HLA-DQB2: variants seen among roughly 807,000 people sequenced by gnomAD.
HLA-DQB2 encodes HLA class II histocompatibility antigen, DQ beta 2 chain.
In HLA-DQB2, 24 loss-of-function variants were observed where a neutral mutation model predicts 29.2. That is an observed-to-expected ratio of 0.82 (90% CI 0.60 to 1.16). HLA-DQB2 has a LOEUF of 1.16. HLA-DQB2 is among the 50% of genes most tolerant of loss of function. HLA-DQB2 has a pLI of 0.00. For missense variants in HLA-DQB2, 273 were observed against 343.6 expected (o/e 0.79, Z 1.62); for synonymous variants, 104 against 133.1 (o/e 0.78, Z 1.51).
Position 32,761,841 on chromosome 6 carries a change from G to A in HLA-DQB2, c.183C>T (p.Asn61=), listed in dbSNP as rs768051532. 2 of 1,609,568 alleles carry A rather than the reference G, an allele frequency of 1.2e-6. No individual in the cohort carries two copies. The highest frequency in any genetic ancestry group is 1.7e-6 in the Non-Finnish European group (2 of 1,177,936). The change falls in exon 2 of 6, where the codon AAC becomes AAT. Residue 61 remains asparagine, a synonymous_variant. Transcript: ENST00000437316. ...RVRGVARYIY[N]REEYGRFDSD... ...TGTCGAAGCGCCCGTACTCCTCGCGGTTATAGATGTATCTGGCCACACCGC... is the reference window on the plus strand; with the variant it reads ...TGTCGAAGCGCCCGTACTCCTCGCGATTATAGATGTATCTGGCCACACCGC...
rs117026677 is a variant in HLA-DQB2 at position 32,760,250 on chromosome 6, T to C, written c.365-1119A>G. Among the ~76,000 whole-genome samples, 1,604 of 151,314 alleles carry C rather than the reference T, an allele frequency of 0.011. 52 individuals are homozygous for C. In the South Asian group the frequency reaches 0.12, roughly 11 times the overall value. On this transcript the variant is annotated intron_variant, in intron 2 of 5. Coordinates refer to ENST00000437316, the MANE Select transcript of HLA-DQB2 (RefSeq NM_001300790.2). ...AATTTTCAATGCCTTGAAAGTATCA[T>C]TTTGTCCCATTAACAGTGAAAACAG...
intron 1 of HLA-DQB2, among the ~76,000 whole-genome samples, chr6:32,762,424 C>T (rs1256921136): frequency 6.7e-6 from 1 of 148,226 alleles, no homozygotes; most frequent in Non-Finnish European, 1.5e-5. Flanking sequence ...GGCAAGAGAC[C>T]AAGTAAACCC....
rs1170588299 is a variant in HLA-DQB2, at chr6:32,761,762, A to T, written c.262T>A (p.Trp88Arg). ...TCCAAGAAGTCCTTATAGTTGTTCC[A>T]GTCCTCGATGCTCCGCCCCAGCTCG... is the stretch of plus-strand genomic sequence containing the variant. ...VTELGRSIED[W>R]NNYKDFLEQE... Residue 88 changes from tryptophan (W) to arginine (R), a missense_variant, in exon 2 of 6, where the codon TGG (tryptophan) becomes AGG (arginine). Coordinates refer to ENST00000437316, the MANE Select transcript of HLA-DQB2 (RefSeq NM_001300790.2). The T allele has an allele frequency of 1.3e-6, 2 of 1,568,706 alleles. No individual in the cohort carries two copies. Among genetic ancestry groups the T allele is most frequent in the Non-Finnish European group, 1.7e-6 (2 of 1,157,036 alleles).
chr6:32,762,064 T>A, intron 1 of HLA-DQB2, 138 bp from the exon 2 acceptor site: 3 of 1,192,934 alleles, frequency 2.5e-6, no homozygotes, highest in Non-Finnish European at 3.5e-6. Context: ...AGTTCTTGGC[T>A]GGGCCCGTGC....
At position 32,758,915 on chromosome 6, in the gene HLA-DQB2, C is replaced by A; in HGVS notation, c.581G>T (p.Arg194Leu). Residue 194 changes from arginine to leucine, a missense_variant, in exon 3 of 6, where the codon CGT becomes CTT. Physicochemically the swap from Arg to Leu is moderately radical, Grantham distance 102. Coordinates refer to ENST00000437316, the MANE Select transcript of HLA-DQB2 (RefSeq NM_001300790.2). ...ILVMLEITPQ[R>L]GDIYTCQVEH... ...CACTTGGCAGGTGTAGATGTCTCCA[C>A]GCTGGGGAGTTATTTCCAGCATCAC... is the stretch of plus-strand genomic sequence containing the variant. 1 of 1,538,780 alleles carries A rather than the reference C, an allele frequency of 6.5e-7. No homozygotes were observed. Among genetic ancestry groups the A allele is most frequent in the Non-Finnish European group, 8.9e-7 (1 of 1,123,054 alleles).
intron 2 of HLA-DQB2, among the ~76,000 whole-genome samples, chr6:32,761,000 A>T (rs1764737809): frequency 6.6e-6 from 1 of 152,292 alleles, no homozygotes; most frequent in Non-Finnish European, 1.5e-5. Context: ...TTGAGCTCAT[A>T]CCACATGCCG....
At chr6:32,761,609 G>T (rs1330942039) in intron 2 of HLA-DQB2, 51 bp downstream of exon 2, 5 of 1,505,702 alleles carry the variant, frequency 3.3e-6, no homozygotes, top group Admixed American at 2.0e-5. Context: ...GTGCGCAAGA[G>T]ACTCGGGCCC....
chr6:32,761,279 G>C (rs980931932), intron 2 of HLA-DQB2, among the ~76,000 whole-genome samples: 108 of 151,878 alleles, frequency 7.1e-4, no homozygotes, highest in African/African-American at 2.5e-3. Context: ...CTAGTGGGGC[G>C]GACGGGCAGG....
chr6:32,763,491 C>T lies in HLA-DQB2; in HGVS notation c.-21G>A. 2.0e-6 allele frequency: 3 copies of T among 1,513,626 alleles called. No individual in the cohort carries two copies. The highest frequency in any genetic ancestry group is 2.7e-6 in the Non-Finnish European group (3 of 1,112,594). 93.8% of individuals were successfully genotyped at this position (1,513,626 alleles called of 1,614,324 possible). On this transcript the variant is annotated 5_prime_UTR_variant, in exon 1 of 6. Transcript: ENST00000437316. ...GCCATCTTCCAAGACGTAAGTGAGA[C>T]CAAGGAAAAAGCAGTGGTAGTCAAC...
intron 2 of HLA-DQB2, 126 bp downstream of exon 2, chr6:32,761,534 C>A: frequency 9.0e-7 from 1 of 1,107,140 alleles, no homozygotes. Context: ...AAATCCCCGC[C>A]ACCTTCCTGT....
Position 32,759,052 on chromosome 6 carries a change from A to G in HLA-DQB2, c.444T>C (p.Asp148=). Residue 148 remains aspartate (D), a synonymous_variant, in exon 3 of 6, where the codon GAT becomes GAC. Transcript: ENST00000437316. ...GGACTTTGATCTGGGCTGGATAGAAATCTGTCACCGAGCAGACCAGCAGGT... is the reference window on the plus strand; with the variant it reads ...GGACTTTGATCTGGGCTGGATAGAAGTCTGTCACCGAGCAGACCAGCAGGT... The part of the protein sequence containing the change: ...HHNLLVCSVT[D]FYPAQIKVRW... 6.2e-7 allele frequency: 1 copy of G among 1,614,198 alleles called. No homozygotes were observed. The highest frequency in any genetic ancestry group is 8.5e-7 in the Non-Finnish European group (1 of 1,180,046).
intron 2 of HLA-DQB2, among the ~76,000 whole-genome samples, chr6:32,760,080 T>C (rs1007994030): frequency 3.7e-5 from 4 of 107,872 alleles, no homozygotes; most frequent in Non-Finnish European, 6.3e-5. Flanking sequence ...AAAAAAATGA[T>C]AGAATAACTT....
chr6:32,761,231 G>T (rs796480597), intron 2 of HLA-DQB2, among the ~76,000 whole-genome samples: 1 of 148,530 alleles, frequency 6.7e-6, no homozygotes. Context: ...TTCCTGCGGC[G>T]CGAGCTGTGC....
At chr6:32,760,561 C>T (rs1764694543) in intron 2 of HLA-DQB2, among the ~76,000 whole-genome samples, 1 of 152,194 alleles carries the variant, frequency 6.6e-6, no homozygotes, top group Non-Finnish European at 1.5e-5. Flanking sequence ...GAAATAAGTG[C>T]TCACTAAGTG....
Position 32,763,504 on chromosome 6 carries a change from A to T in HLA-DQB2, c.-34T>A. The stretch of plus-strand genomic sequence containing the variant: ...ACGTAAGTGAGACCAAGGAAAAAGC[A>T]GTGGTAGTCAACACAGCTCAAACCT... On this transcript the variant is annotated 5_prime_UTR_variant, in exon 1 of 6. Transcript: ENST00000437316. 1 of 1,385,948 alleles carries T rather than the reference A, an allele frequency of 7.2e-7. No homozygotes were observed. Among genetic ancestry groups the T allele is most frequent in the Non-Finnish European group, 1.0e-6 (1 of 995,654 alleles). 85.9% of individuals were successfully genotyped at this position (1,385,948 alleles called of 1,614,324 possible). A position where few individuals can be genotyped will look rare whatever the true frequency, so the allele number is the denominator to read the frequency against.
At position 32,757,911 on chromosome 6, in the gene HLA-DQB2, T is replaced by C. The variant is rs764588772; in HGVS notation, c.647-28A>G. On this transcript the variant is annotated intron_variant, in intron 3 of 5. Transcript: ENST00000437316. Reference sequence around the variant, plus strand: ...AAGGAGCAGAACTGAGTGTGAGTGTTTGTCCCCACACCCCATAATGTCCTT... The same window carrying C: ...AAGGAGCAGAACTGAGTGTGAGTGTCTGTCCCCACACCCCATAATGTCCTT... 32 of 1,593,268 alleles carry C rather than the reference T, an allele frequency of 2.0e-5. No individual in the cohort carries two copies. In the African/African-American group the frequency reaches 4.2e-4, roughly 21 times the overall value.
chr6:32,761,362 C>T (rs774691910), intron 2 of HLA-DQB2, among the ~76,000 whole-genome samples: 1 of 152,228 alleles, frequency 6.6e-6, no homozygotes, highest in Non-Finnish European at 1.5e-5. Context: ...ACGCATAAGG[C>T]ACAAGGCAAG....
In HLA-DQB2 at chr6:32,761,825, G is replaced by A; in HGVS notation, c.199C>T (p.Arg67Cys). ...AACTCCCCAACGTCGCTGTCGAAGC[G>A]CCCGTACTCCTCGCGGTTATAGATG... is the stretch of plus-strand genomic sequence containing the variant. ...RYIYNREEYG[R>C]FDSDVGEFQA... Residue 67 changes from arginine (R) to cysteine (C), a missense_variant, in exon 2 of 6, where the codon CGC (arginine) becomes TGC (cysteine). By Grantham distance (180) the Arg-to-Cys change is radical. Coordinates refer to ENST00000437316, the MANE Select transcript of HLA-DQB2 (RefSeq NM_001300790.2). The A allele has an allele frequency of 1.9e-6, 3 of 1,605,082 alleles. No individual in the cohort carries two copies. Among genetic ancestry groups the A allele is most frequent in the Non-Finnish European group, 2.6e-6 (3 of 1,175,764 alleles).
rs1764260444 is a variant in HLA-DQB2, at chr6:32,756,340, T to C, written c.*113A>G. On this transcript the variant is annotated 3_prime_UTR_variant, in exon 6 of 6. Transcript: ENST00000437316. ...TGACCTGTGGCTGCATGAGCCACTG[T>C]AGGACTCTGACCTCAGTGGGACAGG... 2 of 735,330 alleles carry C rather than the reference T, an allele frequency of 2.7e-6. No individual in the cohort carries two copies. Among genetic ancestry groups the C allele is most frequent in the Non-Finnish European group, 4.9e-6 (2 of 407,002 alleles). 45.6% of individuals were successfully genotyped at this position (735,330 alleles called of 1,614,324 possible).
Sources: gnomAD v4.1 joint callset for allele counts (sites outside exome capture counted in the v4.1 genomes callset) on GRCh38, gnomAD v4.1.1 for gene constraint, MANE v1.5 for transcripts, NCBI Gene and HGNC (gene_info 2026-07-23, HGNC 2026-07-21) for gene names.